ZNF585B: variants seen among roughly 807,000 people sequenced by gnomAD.
ZNF585B encodes the protein zinc finger protein 41-like protein.
A neutral mutation model predicts 14.0 loss-of-function variants in ZNF585B; 7 were observed. The observed-to-expected ratio is 0.50, with a 90% CI of 0.28 to 0.94. The LOEUF is 0.94. Among genes scored for constraint, ZNF585B ranks in the 40% least tolerant of loss-of-function variants. The pLI, the probability that ZNF585B is intolerant of heterozygous loss-of-function variation, is 0.09. For synonymous variants in ZNF585B, 290 were observed against 317.3 expected, an observed-to-expected ratio of 0.91 and a Z score of 0.91; for missense variants, 750 against 924.4, an observed-to-expected ratio of 0.81 and a Z score of 2.45.
chr19:37,189,956 T>C, intron 3 of ZNF585B, 68 bp downstream of exon 3: 1 of 1,596,576 alleles, frequency 6.3e-7, no homozygotes, highest in Non-Finnish European at 8.5e-7. Context: ...GCCAACAGCA[T>C]TCGTCAACTG....
chr19:37,193,154 A>AC (rs1972421886), intron 2 of ZNF585B, among the ~76,000 whole-genome samples: 1 of 151,724 alleles, frequency 6.6e-6, no homozygotes, highest in African/African-American at 2.4e-5. Flanking sequence ...ACAAAACAAA[A>AC]AAAAACACCA....
chr19:37,185,771 C>A lies in ZNF585B; in HGVS notation c.1766G>T (p.Arg589Leu), dbSNP rs367647027. The change falls in exon 5 of 5, where the codon CGC becomes CTC. Residue 589 changes from arginine (R) to leucine (L), a missense_variant. By Grantham distance (102) the Arg-to-Leu change is moderately radical (BLOSUM62 -2). Around this residue, in one of 2 missense-constraint regions of ZNF585B, gnomAD observed 233 missense variants for 354.1 expected, o/e 0.66. Transcript: ENST00000532828. Reference sequence around the variant, plus strand: ...TTGATGAGTAATAAAGTTTGACTTGCGGATGAAAGCTCTTCCACACTCAGT... The same window carrying A: ...TTGATGAGTAATAAAGTTTGACTTGAGGATGAAAGCTCTTCCACACTCAGT... ...VCTECGRAFI[R>L]KSNFITHQRI... 3.8e-6 allele frequency: 6 copies of A among 1,591,654 alleles called. No individual in the cohort carries two copies. The highest frequency in any genetic ancestry group is 1.7e-4 in the Middle Eastern group (1 of 5,924).
At position 37,185,754 on chromosome 19, in the gene ZNF585B, T is replaced by A. The variant is rs1972326234; in HGVS notation, c.1783A>T (p.Thr595Ser). 6.3e-7 allele frequency: 1 copy of A among 1,597,386 alleles called. No homozygotes were observed. The highest frequency in any genetic ancestry group is 1.7e-5 in the Admixed American group (1 of 57,746). Reference protein sequence around the residue: ...RAFIRKSNFITHQRIHTGEKP... With the variant: ...RAFIRKSNFISHQRIHTGEKP... ...TCTCCAGTATGAATTCTTTGATGAG[T>A]AATAAAGTTTGACTTGCGGATGAAA... The change falls in exon 5 of 5, where the codon ACT (threonine) becomes TCT (serine). Residue 595 changes from threonine to serine, a missense_variant. Coordinates refer to ENST00000532828, the MANE Select transcript of ZNF585B (RefSeq NM_152279.4).
chr19:37,189,712 C>T lies in ZNF585B; in HGVS notation c.241G>A (p.Gly81Arg), dbSNP rs1004521086. The T allele has an allele frequency of 6.2e-7, 1 of 1,613,816 alleles. No homozygotes were observed. The highest frequency in any genetic ancestry group is 8.5e-7 in the Non-Finnish European group (1 of 1,180,020). ...PKPEVVMLEQ[G>R]KEPWALQGER... ...CCCTGCAGTGCCCATGGTTCCTTTC[C>T]TTGCTCCAACATGACCACCTCTGGT... Residue 81 changes from glycine to arginine, a missense_variant, in exon 4 of 5, where the codon GGA becomes AGA. Gly to Arg is a moderately radical substitution (Grantham distance 125, BLOSUM62 -2). Transcript: ENST00000532828.
At position 37,181,819 on chromosome 19, in the gene ZNF585B, A is replaced by C. The variant is rs1355747899; in HGVS notation, c.*3408T>G. ...TACTTTATGGTTCAGAGGCAAAATT[A>C]TGGAGACAAAAGAAAATAGCCAGGA... On this transcript the variant is annotated 3_prime_UTR_variant, in exon 5 of 5. Coordinates refer to ENST00000532828, the MANE Select transcript of ZNF585B (RefSeq NM_152279.4). 1 of 152,218 alleles carries C rather than the reference A, an allele frequency of 6.6e-6. No individual in the cohort carries two copies. The highest frequency in any genetic ancestry group is 1.5e-5 in the Non-Finnish European group (1 of 68,036). 9.4% of individuals were successfully genotyped at this position (152,218 alleles called of 1,614,324 possible).
chr19:37,194,306 G>GCT (rs1972436021), intron 2 of ZNF585B, among the ~76,000 whole-genome samples: 1 of 102,614 alleles, frequency 9.7e-6, no homozygotes, highest in Non-Finnish European at 1.9e-5. Context: ...ATTTCCACAT[G>GCT]GTGTACATAT....
At chr19:37,193,983 T>G (rs772615552) in intron 2 of ZNF585B, among the ~76,000 whole-genome samples, 3 of 152,224 alleles carry the variant, frequency 2.0e-5, no homozygotes, top group Non-Finnish European at 2.9e-5. Context: ...TTATTTGTTA[T>G]GCTAAACAAA....
chr19:37,206,519 G>A (rs1276481071), intron 2 of ZNF585B, among the ~76,000 whole-genome samples: 1 of 152,072 alleles, frequency 6.6e-6, no homozygotes, highest in African/African-American at 2.4e-5. Context: ...AAGTTAAAAT[G>A]TGGATAGTGG....
At chr19:37,191,863 C>T (rs913381679) in intron 2 of ZNF585B, among the ~76,000 whole-genome samples, 4 of 152,044 alleles carry the variant, frequency 2.6e-5, no homozygotes, top group Admixed American at 2.6e-4. Flanking sequence ...GAAACCCTGT[C>T]TCTACTAAAA....
At position 37,181,948 on chromosome 19, in the gene ZNF585B, A is replaced by G. The variant is rs1057033274; in HGVS notation, c.*3279T>C. 5.3e-5 allele frequency: 8 copies of G among 152,094 alleles called. No individual in the cohort carries two copies. Among genetic ancestry groups the G allele is most frequent in the African/African-American group, 1.9e-4 (8 of 41,424 alleles). 9.4% of individuals were successfully genotyped at this position (152,094 alleles called of 1,614,324 possible). A position where few individuals can be genotyped will look rare whatever the true frequency, so the allele number is the denominator to read the frequency against. ...TGTCATTATTCATTTGTCTCAACCC[A>G]CAGAATGCACATCAAGACTGAACCC... On this transcript the variant is annotated 3_prime_UTR_variant, in exon 5 of 5. Coordinates refer to ENST00000532828, the MANE Select transcript of ZNF585B (RefSeq NM_152279.4).
At position 37,187,199 on chromosome 19, in the gene ZNF585B, T is replaced by A; in HGVS notation, c.338A>T (p.Tyr113Phe). The A allele has an allele frequency of 6.2e-7, 1 of 1,611,578 alleles. No homozygotes were observed. The highest frequency in any genetic ancestry group is 8.5e-7 in the Non-Finnish European group (1 of 1,179,352). Reference sequence around the variant, plus strand: ...TTGATCTTGAGAGGAAGCTGGTTTATAACCGATGATTTTTCTATGTTGATT... The same window carrying A: ...TTGATCTTGAGAGGAAGCTGGTTTAAAACCGATGATTTTTCTATGTTGATT... ...DHNQHRKIIG[Y>F]KPASSQDQKI... The change falls in exon 5 of 5, where the codon TAT becomes TTT. Residue 113 changes from tyrosine (Y) to phenylalanine (F), a missense_variant. Tyr to Phe is a conservative substitution (Grantham distance 22). Transcript: ENST00000532828.
Position 37,190,120 on chromosome 19 carries a change from C to A in ZNF585B, c.103G>T (p.Asp35Tyr), listed in dbSNP as rs371971240. 1 of 1,614,168 alleles carries A rather than the reference C, an allele frequency of 6.2e-7. No individual in the cohort carries two copies. Among genetic ancestry groups the A allele is most frequent in the Admixed American group, 1.7e-5 (1 of 60,028 alleles). ...TGCCGCCATTCCTCTCTGCTGAAAT[C>A]GATAGCCACATCCCTGAAGGACACT... Reference protein sequence around the residue: ...GSVSFRDVAIDFSREEWRHLD... With the variant: ...GSVSFRDVAIYFSREEWRHLD... Residue 35 changes from aspartate (D) to tyrosine (Y), a missense_variant, in exon 3 of 5, where the codon GAT becomes TAT. Physicochemically the swap from Asp to Tyr is radical, Grantham distance 160. This residue lies in a region of ZNF585B where 517 missense variants were observed against 570.3 expected (regional missense o/e 0.91). Coordinates refer to ENST00000532828, the MANE Select transcript of ZNF585B (RefSeq NM_152279.4).
intron 2 of ZNF585B, among the ~76,000 whole-genome samples, chr19:37,205,800 C>T (rs1416733825): frequency 6.6e-6 from 1 of 152,058 alleles, no homozygotes; most frequent in Admixed American, 6.6e-5. Flanking sequence ...ACACCCAGGC[C>T]GGGCATGGTG....
chr19:37,201,530 G>A (rs953782182), intron 2 of ZNF585B, among the ~76,000 whole-genome samples: 2 of 151,984 alleles, frequency 1.3e-5, no homozygotes, highest in African/African-American at 4.8e-5. Context: ...TCTATATCCT[G>A]GAAACAGATT....
chr19:37,192,895 G>A (rs374890914), intron 2 of ZNF585B, among the ~76,000 whole-genome samples: 2 of 151,234 alleles, frequency 1.3e-5, no homozygotes, highest in African/African-American at 4.9e-5. Flanking sequence ...CAACAACTGG[G>A]GAGGCCGAGG....
intron 4 of ZNF585B, 105 bp downstream of exon 4, chr19:37,189,556 G>T: frequency 7.9e-7 from 1 of 1,263,996 alleles, no homozygotes; most frequent in Non-Finnish European, 1.1e-6. Context: ...CCTTACTGAA[G>T]AGTGGTCTTA....
rs139417068 is a variant in ZNF585B at position 37,190,086 on chromosome 19, A to G, written c.137T>C (p.Leu46Pro). ...FSREEWRHLDLSQRNLYRDVM... is the reference protein window; with the variant it reads ...FSREEWRHLDPSQRNLYRDVM... The stretch of plus-strand genomic sequence containing the variant: ...ATCCCGGTACAGGTTTCTCTGAGAA[A>G]GGTCCAGGTGCCGCCATTCCTCTCT... The change falls in exon 3 of 5, where the codon CTT becomes CCT. Residue 46 changes from leucine to proline, a missense_variant. Physicochemically the swap from Leu to Pro is moderately conservative, Grantham distance 98. Transcript: ENST00000532828. The G allele has an allele frequency of 4.3e-3, 6,978 of 1,614,048 alleles. 61 individuals carry two copies. Among genetic ancestry groups the G allele is most frequent in the South Asian group, 0.024 (2,168 of 91,052 alleles).
chr19:37,198,306 G>A (rs1054983186), intron 2 of ZNF585B, among the ~76,000 whole-genome samples: 3 of 151,962 alleles, frequency 2.0e-5, no homozygotes, highest in African/African-American at 7.2e-5. Context: ...CCAGTAGCTG[G>A]GATTACAGGC....
rs1972275321 is a variant in ZNF585B, at chr19:37,182,366, T to C, written c.*2861A>G. 6.6e-6 allele frequency: 1 copy of C among 152,130 alleles called. No homozygotes were observed. The highest frequency in any genetic ancestry group is 2.4e-5 in the African/African-American group (1 of 41,414). 9.4% of individuals were successfully genotyped at this position (152,130 alleles called of 1,614,324 possible). On this transcript the variant is annotated 3_prime_UTR_variant, in exon 5 of 5. Coordinates refer to ENST00000532828, the MANE Select transcript of ZNF585B (RefSeq NM_152279.4). Reference sequence around the variant, plus strand: ...GGACCAGACCTTGTTCTAGGGTATGTTAGGAAGGAAGAGGTGATCTCCAGG... The same window carrying C: ...GGACCAGACCTTGTTCTAGGGTATGCTAGGAAGGAAGAGGTGATCTCCAGG...
Sources: gnomAD v4.1 joint callset for allele counts (sites outside exome capture counted in the v4.1 genomes callset) on GRCh38, gnomAD v4.1.1 for gene constraint, gnomAD v4.1.1 regional missense constraint, MANE v1.5 for transcripts, NCBI Gene and HGNC (gene_info 2026-07-23, HGNC 2026-07-21) for gene names.